The following DOCK1 variants were observed in gnomAD, a reference collection of about 807,000 sequenced individuals.
DOCK1 encodes dedicator of cytokinesis protein 1.
Under a neutral mutation model 262.7 loss-of-function variants are expected in DOCK1, and 138 were observed. The observed-to-expected ratio is 0.53, with a 90% CI of 0.46 to 0.61. The LOEUF (loss-of-function observed/expected upper bound fraction) is 0.61, where lower values mean the gene tolerates loss of function less well. Among genes scored for constraint, DOCK1 ranks in the 20% least tolerant of loss-of-function variants. The probability of loss-of-function intolerance (pLI) is 0.00; values close to 1 mark genes in which losing one functional copy is unlikely to be tolerated. For synonymous variants in DOCK1, 866 were observed against 867.4 expected, an observed-to-expected ratio of 1.00 and a Z score of 0.03; for missense variants, 1,908 against 2,370.7, an observed-to-expected ratio of 0.80 and a Z score of 4.05.
chr10:127,067,081 C>A (rs1229312508), intron 23 of DOCK1, among the ~76,000 whole-genome samples: 1 of 152,190 alleles, frequency 6.6e-6, no homozygotes, highest in South Asian at 2.1e-4. Flanking sequence ...AGCTTTCCAT[C>A]GAAGTGGACA....
chr10:127,138,759 C>T (rs1013351846), intron 27 of DOCK1, among the ~76,000 whole-genome samples: 5 of 152,198 alleles, frequency 3.3e-5, no homozygotes, highest in African/African-American at 1.2e-4. Flanking sequence ...ATTTGCCAAG[C>T]AGTGATAATG....
intron 31 of DOCK1, among the ~76,000 whole-genome samples, chr10:127,346,140 C>A (rs1025113870): frequency 6.6e-6 from 1 of 152,182 alleles, no homozygotes; most frequent in Non-Finnish European, 1.5e-5. Context: ...CTCGGAGATG[C>A]CTGCGGGAGA....
rs148947711 is a variant in DOCK1 at position 127,175,322 on chromosome 10, G to A, written c.2847+47558G>A. On this transcript the variant is annotated intron_variant, in intron 27 of 51. Transcript: ENST00000623213. This position sits in a 1 kb window ranked among gnomAD's most constrained non-coding sequence, Gnocchi z 6.3. Reference sequence around the variant, plus strand: ...TCTCCATCATCTGAAGTTGTGCTTTGAGGTCGACCACTTCCGTATGAGGCA... The same window carrying A: ...TCTCCATCATCTGAAGTTGTGCTTTAAGGTCGACCACTTCCGTATGAGGCA... 1.9e-6 allele frequency: 3 copies of A among 1,613,956 alleles called. No individual in the cohort carries two copies. Among genetic ancestry groups the A allele is most frequent in the Non-Finnish European group, 2.5e-6 (3 of 1,180,034 alleles).
At chr10:127,418,739 G>A (rs2068313731) in intron 45 of DOCK1, among the ~76,000 whole-genome samples, 198 bp downstream of exon 45, 1 of 152,234 alleles carries the variant, frequency 6.6e-6, no homozygotes, top group Non-Finnish European at 1.5e-5. Context: ...TCCCGGCAAG[G>A]CTCCCCTGGG....
chr10:126,989,030 G>A (rs910620155), intron 5 of DOCK1, among the ~76,000 whole-genome samples: 7 of 147,092 alleles, frequency 4.8e-5, no homozygotes, highest in Non-Finnish European at 7.4e-5. Flanking sequence ...CCAAGATTGC[G>A]CCACTGCACT....
chr10:127,088,249 A>G (rs1176974486), intron 23 of DOCK1, among the ~76,000 whole-genome samples: 1 of 152,170 alleles, frequency 6.6e-6, no homozygotes, highest in Non-Finnish European at 1.5e-5. Context: ...TTATTATTGT[A>G]CTGTTTACCG....
intron 24 of DOCK1, among the ~76,000 whole-genome samples, chr10:127,109,379 G>C (rs879814907): frequency 6.6e-5 from 10 of 152,136 alleles, no homozygotes; most frequent in Admixed American, 2.6e-4. Context: ...TTAAAAAATT[G>C]CTTTATTGTG....
intron 49 of DOCK1, among the ~76,000 whole-genome samples, chr10:127,442,168 C>T (rs2070206339): frequency 1.3e-5 from 2 of 152,174 alleles, no homozygotes; most frequent in African/African-American, 2.4e-5. Context: ...CTCTGTCACT[C>T]ATTTACCAGA....
At chr10:127,184,005 C>T (rs1476329386) in intron 27 of DOCK1, among the ~76,000 whole-genome samples, 6 of 152,136 alleles carry the variant, frequency 3.9e-5, no homozygotes, top group Admixed American at 3.9e-4. Context: ...GAAGGTTTAT[C>T]TCTTTGTGCA....
At chr10:127,019,523 G>T (rs531559264) in intron 13 of DOCK1, among the ~76,000 whole-genome samples, 61 of 132,248 alleles carry the variant, frequency 4.6e-4, no homozygotes, top group African/African-American at 1.5e-3. Context: ...TCGAGGCGGG[G>T]GGATCACTTG....
At chr10:127,262,173 G>GGT (rs200011342) in intron 29 of DOCK1, among the ~76,000 whole-genome samples, 43 of 72,634 alleles carry the variant, frequency 5.9e-4, no homozygotes, top group South Asian at 2.3e-3. Context: ...TGTGCATGTG[G>GGT]GTGTGTGTGT....
chr10:127,449,084 G>A (rs180921594), intron 51 of DOCK1, among the ~76,000 whole-genome samples: 61 of 152,260 alleles, frequency 4.0e-4, no homozygotes, highest in African/African-American at 1.3e-3. Flanking sequence ...GAGACGCCTC[G>A]ATGGGGAACC....
chr10:127,271,329 T>C (rs2060560719), intron 29 of DOCK1, among the ~76,000 whole-genome samples: 2 of 152,190 alleles, frequency 1.3e-5, no homozygotes, highest in Non-Finnish European at 2.9e-5. Context: ...AATTCCACCA[T>C]TCTTTGTCAA....
In DOCK1 at chr10:127,437,742, G is replaced by C. The variant is rs150442493; in HGVS notation, c.5061-1285G>C. 6.6e-6 allele frequency among the ~76,000 whole-genome samples: 1 copy of C among 152,288 alleles called. No homozygotes were observed. On this transcript the variant is annotated intron_variant, in intron 48 of 51. Coordinates refer to ENST00000623213, the MANE Select transcript of DOCK1 (RefSeq NM_001290223.2). The surrounding 1 kb of genome is among the most constrained non-coding windows in gnomAD (Gnocchi z 4.4). ...GATCCACCTGCCTTAGCCTCCCCAA[G>C]TGCTAGGATTATAGGCATGAGCCAC... is the stretch of plus-strand genomic sequence containing the variant.
Position 126,905,522 on chromosome 10 carries a change from C to A in DOCK1, c.5C>A (p.Thr2Lys). ...CGCGGCGGCTCCGGCGGCGCCATGA[C>A]GCGCTGGGTGCCCACCAAGCGCGAG... M[T>K]RWVPTKREEK... is the part of the protein sequence containing the mutation. Residue 2 changes from threonine to lysine, a missense_variant, in exon 1 of 52, where the codon ACG becomes AAG. Around this residue, in one of 9 missense-constraint regions of DOCK1, gnomAD observed 227 missense variants for 254.1 expected, o/e 0.89. Coordinates refer to ENST00000623213, the MANE Select transcript of DOCK1 (RefSeq NM_001290223.2). 1.9e-6 allele frequency: 1 copy of A among 526,862 alleles called. No individual in the cohort carries two copies. Among genetic ancestry groups the A allele is most frequent in the Non-Finnish European group, 3.5e-6 (1 of 288,438 alleles). 32.6% of individuals were successfully genotyped at this position (526,862 alleles called of 1,614,324 possible).
At chr10:127,292,939 G>C (rs2061394535) in intron 29 of DOCK1, among the ~76,000 whole-genome samples, 1 of 152,112 alleles carries the variant, frequency 6.6e-6, no homozygotes, top group African/African-American at 2.4e-5. Flanking sequence ...AAACAGGGGT[G>C]GGAAGTCCCC....
intron 29 of DOCK1, among the ~76,000 whole-genome samples, chr10:127,299,304 A>T (rs61870269): frequency 0.15 from 22,947 of 152,160 alleles, 1,998 homozygotes; most frequent in East Asian, 0.24. Flanking sequence ...GGGTTTCACC[A>T]TGTTGGCCAG....
At chr10:127,238,818 A>G (rs1399005789) in intron 27 of DOCK1, among the ~76,000 whole-genome samples, 2 of 152,118 alleles carry the variant, frequency 1.3e-5, no homozygotes, top group Non-Finnish European at 2.9e-5. Flanking sequence ...TGGGAACTCA[A>G]TGATGTCAAC....
intron 31 of DOCK1, chr10:127,344,538 A>G (rs1353649725): frequency 2.0e-5 from 3 of 152,202 alleles, no homozygotes; most frequent in Admixed American, 2.0e-4. Flanking sequence ...ATACCTCTGC[A>G]ATATCTCGAC....
Sources: allele counts gnomAD v4.1 joint callset (sites outside exome capture counted in the v4.1 genomes callset), GRCh38; gene constraint gnomAD v4.1.1; regional missense constraint gnomAD v4.1.1; non-coding constraint Gnocchi (gnomAD v3.1); transcripts MANE v1.5; gene names NCBI Gene and HGNC (gene_info 2026-07-23, HGNC 2026-07-21).